Variants in KCNC2 observed in about 807,000 individuals in gnomAD.
KCNC2 encodes potassium voltage-gated channel subfamily C member 2.
In KCNC2, 21 loss-of-function variants were observed where a neutral mutation model predicts 44.5. That is an observed-to-expected ratio of 0.47 (90% confidence interval 0.33 to 0.68). KCNC2 has a LOEUF of 0.68. KCNC2 is among the 30% of genes least tolerant of loss of function. The pLI is 0.01. For missense variants in KCNC2, 589 were observed against 826.2 expected, an observed-to-expected ratio of 0.71 and a Z score of 3.52; for synonymous variants, 391 against 339.1, an observed-to-expected ratio of 1.15 and a Z score of -1.68.
At chr12:75,068,592 G>A (rs922167998) in intron 2 of KCNC2, among the ~76,000 whole-genome samples, 1 of 151,700 alleles carries the variant, frequency 6.6e-6, no homozygotes, top group African/African-American at 2.4e-5. Flanking sequence ...ATTCCTATAG[G>A]AATTGTCTAC....
intron 2 of KCNC2, among the ~76,000 whole-genome samples, chr12:75,153,134 G>T (rs1890522047): frequency 1.3e-5 from 2 of 151,948 alleles, no homozygotes. Context: ...ACCATATATT[G>T]TTTAGGATTG....
chr12:75,149,894 A>G (rs1483421993), intron 2 of KCNC2, among the ~76,000 whole-genome samples: 1 of 151,922 alleles, frequency 6.6e-6, no homozygotes, highest in Non-Finnish European at 1.5e-5. Flanking sequence ...CAAATTCAGT[A>G]AAAATTTCCA....
intron 2 of KCNC2, among the ~76,000 whole-genome samples, chr12:75,190,246 C>T (rs1476394570): frequency 6.6e-6 from 1 of 152,186 alleles, no homozygotes; most frequent in African/African-American, 2.4e-5. Flanking sequence ...CAATAGCTCC[C>T]AGTAGCCCTC....
Position 75,199,773 on chromosome 12 carries a change from T to A in KCNC2, c.687+7524A>T, listed in dbSNP as rs911924456. Among the ~76,000 whole-genome samples, 7 of 151,946 alleles carry A rather than the reference T, an allele frequency of 4.6e-5. No individual in the cohort carries two copies. The South Asian group carries it at 8.3e-4, about 18-fold the overall frequency. On this transcript the variant is annotated intron_variant, in intron 2 of 4. Transcript: ENST00000549446. ...TTCTATTGCCAATAGGTTGAACCAG[T>A]GTTGCATTAAAAATAAATAAATCAA...
chr12:75,152,580 G>T (rs1410535283), intron 2 of KCNC2, among the ~76,000 whole-genome samples: 1 of 151,888 alleles, frequency 6.6e-6, no homozygotes. Flanking sequence ...CCAGATATAA[G>T]ATTGAAGATG....
intron 2 of KCNC2, among the ~76,000 whole-genome samples, chr12:75,093,032 C>G (rs111827917): frequency 6.9e-6 from 1 of 145,556 alleles, no homozygotes; most frequent in Non-Finnish European, 1.5e-5. Context: ...TTTTTTTAAT[C>G]GTTCGAGTAG....
chr12:75,061,481 T>A (rs535193997), intron 2 of KCNC2, among the ~76,000 whole-genome samples: 1 of 151,678 alleles, frequency 6.6e-6, no homozygotes, highest in Admixed American at 6.6e-5. Context: ...TTTCCTATGA[T>A]GAAGCAGTTT....
intron 1 of KCNC2, 88 bp from the exon 2 acceptor site, chr12:75,208,090 AG>A: frequency 6.7e-7 from 1 of 1,502,896 alleles, no homozygotes. Flanking sequence ...GAGCGAGTCC[AG>A]GGATGCAGAG....
rs550720513 is a variant in KCNC2, at chr12:75,104,233, A to T, written c.688-52916T>A. ...GACAATGTCAGGAGCAGACAATGTC[A>T]ATGATCAAAAGCACGGGTGGCATCT... On this transcript the variant is annotated intron_variant, in intron 2 of 4. Transcript: ENST00000549446. Among the ~76,000 whole-genome samples the T allele has an allele frequency of 5.9e-5, 9 of 152,290 alleles. No homozygotes were observed. The South Asian group carries it at 1.7e-3, about 28-fold the overall frequency.
chr12:75,186,315 C>T (rs1033807631), intron 2 of KCNC2, among the ~76,000 whole-genome samples: 1 of 151,954 alleles, frequency 6.6e-6, no homozygotes, highest in Admixed American at 6.6e-5. Flanking sequence ...TCAAAACAAT[C>T]GATTCATGGA....
At chr12:75,206,140 AG>A (rs1356582883) in intron 2 of KCNC2, among the ~76,000 whole-genome samples, 2 of 152,222 alleles carry the variant, frequency 1.3e-5, no homozygotes, top group Non-Finnish European at 2.9e-5. Flanking sequence ...TCTCAGATGC[AG>A]ACACTTCTGA....
chr12:75,111,548 G>A (rs34629215), intron 2 of KCNC2, among the ~76,000 whole-genome samples: 30,478 of 151,692 alleles, frequency 0.2, 3,531 homozygotes, highest in Admixed American at 0.28. Flanking sequence ...TTTTTACAAG[G>A]TGATACCAAA....
chr12:75,095,030 AT>A (rs1266051880), intron 2 of KCNC2, among the ~76,000 whole-genome samples: 1 of 151,888 alleles, frequency 6.6e-6, no homozygotes, highest in Non-Finnish European at 1.5e-5. Context: ...GCTTGAAGGC[AT>A]TGTTCTTCAC....
At chr12:75,099,802 T>C (rs1270716992) in intron 2 of KCNC2, among the ~76,000 whole-genome samples, 3 of 152,138 alleles carry the variant, frequency 2.0e-5, no homozygotes, top group Non-Finnish European at 4.4e-5. Context: ...ATACTATTTG[T>C]CAGAGTGAAC....
chr12:75,201,289 AAAAAAAAAAC>A (rs1386682464), intron 2 of KCNC2, among the ~76,000 whole-genome samples: 2,085 of 104,258 alleles, frequency 0.02, 178 homozygotes, highest in Non-Finnish European at 0.028. Flanking sequence ...AAAAAAAAAA[AAAAAAAAAAC>A]CAGATTCTGG....
intron 2 of KCNC2, among the ~76,000 whole-genome samples, chr12:75,066,048 T>G (rs1214437021): frequency 1.3e-5 from 2 of 152,114 alleles, no homozygotes; most frequent in Non-Finnish European, 2.9e-5. Context: ...CTATTAAAAT[T>G]TAGACATTCT....
At chr12:75,160,653 G>A (rs1891062047) in intron 2 of KCNC2, among the ~76,000 whole-genome samples, 1 of 151,784 alleles carries the variant, frequency 6.6e-6, no homozygotes, top group Non-Finnish European at 1.5e-5. Flanking sequence ...AAGGCGGTTT[G>A]TTTGAAAACA....
intron 2 of KCNC2, among the ~76,000 whole-genome samples, chr12:75,104,814 G>T (rs1886646958): frequency 6.6e-6 from 1 of 152,246 alleles, no homozygotes; most frequent in African/African-American, 2.4e-5. Flanking sequence ...GATAGAGTCA[G>T]GATTCAAACC....
chr12:75,111,514 CTT>C lies in KCNC2; in HGVS notation c.688-60199_688-60198del, dbSNP rs201686663. ...CAAAGAGTAGAATTAAATATACTGA[CTT>C]ATTGTATATCAATAAGTATCCTTTT... On this transcript the variant is annotated intron_variant, in intron 2 of 4. Coordinates refer to ENST00000549446, the MANE Select transcript of KCNC2 (RefSeq NM_139137.4). Among the ~76,000 whole-genome samples, 397 of 152,056 alleles carry C rather than the reference CTT, an allele frequency of 2.6e-3. 5 individuals carry two copies. Among genetic ancestry groups the C allele is most frequent in the Admixed American group, 0.018 (272 of 15,264 alleles).
Sources: gnomAD v4.1 joint callset for allele counts (sites outside exome capture counted in the v4.1 genomes callset) on GRCh38, gnomAD v4.1.1 for gene constraint, MANE v1.5 for transcripts, NCBI Gene and HGNC (gene_info 2026-07-23, HGNC 2026-07-21) for gene names.